CSNK1G1: variants seen among roughly 807,000 people sequenced by gnomAD.
The protein encoded by CSNK1G1 is casein kinase 1 gamma 1, also known as casein kinase I isoform gamma-1.
Under a neutral mutation model 59.6 loss-of-function variants are expected in CSNK1G1, and 22 were observed. The ratio of observed to expected loss-of-function variants is 0.37; its 90% CI spans 0.26 to 0.53. CSNK1G1 has a LOEUF of 0.53. CSNK1G1 is among the 20% of genes least tolerant of loss of function. The probability of loss-of-function intolerance (pLI) is 0.89; values close to 1 mark genes in which losing one functional copy is unlikely to be tolerated. For synonymous variants in CSNK1G1, 179 were observed against 177.1 expected (o/e 1.01, Z -0.08); for missense variants, 384 against 519.5 (o/e 0.74, Z 2.54).
intron 4 of CSNK1G1, among the ~76,000 whole-genome samples, chr15:64,245,784 T>C (rs1891719404): frequency 6.7e-6 from 1 of 149,684 alleles, no homozygotes; most frequent in Non-Finnish European, 1.5e-5. Context: ...AAAAAAAGAA[T>C]GAAATTCTGT....
At chr15:64,211,676 C>T (rs565006373) in intron 6 of CSNK1G1, among the ~76,000 whole-genome samples, 1 of 152,326 alleles carries the variant, frequency 6.6e-6, no homozygotes, top group African/African-American at 2.4e-5. Context: ...CCATATATTA[C>T]AGGCATAATT....
Position 64,171,896 on chromosome 15 carries a change from GTCCCCAGGGCCTGAGGAC to G in CSNK1G1, c.*17_*34del, listed in dbSNP as rs2081670826. ...GAGCTGCAGGTACAATTGAGTCAGA[GTCCCCAGGGCCTGAGGAC>G]TCCTGGGAGGCACTGGTCACTTGTG... is the stretch of plus-strand genomic sequence containing the variant. On this transcript the variant is annotated 3_prime_UTR_variant, in exon 12 of 12. Coordinates refer to ENST00000303052, the MANE Select transcript of CSNK1G1 (RefSeq NM_022048.5). The surrounding 1 kb of genome is among the most constrained non-coding windows in gnomAD (Gnocchi z 4.8). 3 of 1,577,916 alleles carry G rather than the reference GTCCCCAGGGCCTGAGGAC, an allele frequency of 1.9e-6. No individual in the cohort carries two copies. The East Asian group carries it at 6.7e-5, about 35-fold the overall frequency.
intron 6 of CSNK1G1, among the ~76,000 whole-genome samples, chr15:64,209,061 A>G (rs907312897): frequency 6.6e-6 from 1 of 151,608 alleles, no homozygotes; most frequent in Admixed American, 6.6e-5. Flanking sequence ...TACTTTTTGT[A>G]TTTTTTATAG....
chr15:64,238,275 A>G (rs1188414812), intron 4 of CSNK1G1, among the ~76,000 whole-genome samples: 3 of 151,638 alleles, frequency 2.0e-5, no homozygotes, highest in Non-Finnish European at 4.4e-5. Context: ...CATAAAAAAA[A>G]TCTGTACAAA....
Position 64,188,469 on chromosome 15 carries a change from C to G in CSNK1G1, c.1108-8015G>C. On this transcript the variant is annotated intron_variant, in intron 10 of 11. Coordinates refer to ENST00000303052, the MANE Select transcript of CSNK1G1 (RefSeq NM_022048.5). The surrounding 1 kb of genome is among the most constrained non-coding windows in gnomAD (Gnocchi z 4.2). ...GGGCTGAATTTCCCACTCTCCTCGG[C>G]GCTCTGATGATACATTCTGCTTAGG... 1 of 1,536,040 alleles carries G rather than the reference C, an allele frequency of 6.5e-7. No homozygotes were observed. Among genetic ancestry groups the G allele is most frequent in the African/African-American group, 1.4e-5 (1 of 73,142 alleles).
At chr15:64,254,041 G>A (rs1892234348) in intron 3 of CSNK1G1, among the ~76,000 whole-genome samples, 2 of 152,156 alleles carry the variant, frequency 1.3e-5, no homozygotes, top group African/African-American at 4.8e-5. Flanking sequence ...TCAGGAGGCT[G>A]AGGCAGGAGA....
At chr15:64,245,030 T>C (rs544412598) in intron 4 of CSNK1G1, among the ~76,000 whole-genome samples, 2 of 152,112 alleles carry the variant, frequency 1.3e-5, no homozygotes, top group African/African-American at 4.8e-5. Context: ...GAACATTCAG[T>C]AGGGAAAGGA....
chr15:64,287,160 C>T lies in CSNK1G1; in HGVS notation c.181+13159G>A, dbSNP rs575819673. On this transcript the variant is annotated intron_variant, in intron 2 of 11. Transcript: ENST00000303052. Reference sequence around the variant, plus strand: ...CTACTTGTGATGTCTTGGATCTGGGCTGTAGTTCCAATTCTGTGACAAGCT... The same window carrying T: ...CTACTTGTGATGTCTTGGATCTGGGTTGTAGTTCCAATTCTGTGACAAGCT... 3.3e-3 allele frequency among the ~76,000 whole-genome samples: 495 copies of T among 152,276 alleles called. 1 individual carries two copies. Among genetic ancestry groups the T allele is most frequent in the African/African-American group, 0.012 (484 of 41,558 alleles).
intron 1 of CSNK1G1, among the ~76,000 whole-genome samples, chr15:64,333,874 A>G (rs1897245898): frequency 6.6e-6 from 1 of 152,218 alleles, no homozygotes; most frequent in Non-Finnish European, 1.5e-5. Flanking sequence ...ATATGTACCT[A>G]ATTCTGGAGC....
At chr15:64,225,392 C>G (rs1369374678) in intron 4 of CSNK1G1, among the ~76,000 whole-genome samples, 2 of 152,154 alleles carry the variant, frequency 1.3e-5, no homozygotes, top group Non-Finnish European at 2.9e-5. Context: ...CCATCCCTCT[C>G]CGAACCTCCC....
chr15:64,341,385 G>A lies in CSNK1G1; in HGVS notation c.-225+14603C>T, dbSNP rs147963933. Among the ~76,000 whole-genome samples, 529 of 152,166 alleles carry A rather than the reference G, an allele frequency of 3.5e-3. 3 individuals are homozygous for A. Among genetic ancestry groups the A allele is most frequent in the African/African-American group, 0.012 (510 of 41,474 alleles). ...AATCTCCTGACCTCATGATCCACCC[G>A]CCTTGGCCTCCCAAAGTGCTGGGAA... On this transcript the variant is annotated intron_variant, in intron 1 of 11. Transcript: ENST00000303052.
At chr15:64,270,351 G>A (rs565956793) in intron 2 of CSNK1G1, among the ~76,000 whole-genome samples, 48 of 151,938 alleles carry the variant, frequency 3.2e-4, no homozygotes, top group African/African-American at 1.1e-3. Context: ...CTAGCTGTGG[G>A]GTTGAATTGT....
At chr15:64,280,564 G>A (rs1894070204) in intron 2 of CSNK1G1, among the ~76,000 whole-genome samples, 1 of 152,068 alleles carries the variant, frequency 6.6e-6, no homozygotes, top group South Asian at 2.1e-4. Context: ...ATTTCACTGT[G>A]TTAGCCAGGA....
intron 4 of CSNK1G1, among the ~76,000 whole-genome samples, chr15:64,250,327 A>G (rs1892006255): frequency 6.6e-6 from 1 of 152,214 alleles, no homozygotes; most frequent in African/African-American, 2.4e-5. Flanking sequence ...GGTTATAACT[A>G]TAGCTGATTA....
chr15:64,298,398 C>T (rs1175395123), intron 2 of CSNK1G1, among the ~76,000 whole-genome samples: 1 of 152,166 alleles, frequency 6.6e-6, no homozygotes. Context: ...TGTGATGTTA[C>T]AGTCAATTTA....
chr15:64,303,143 C>G (rs892536828), intron 1 of CSNK1G1, among the ~76,000 whole-genome samples: 6 of 151,010 alleles, frequency 4.0e-5, no homozygotes, highest in Non-Finnish European at 8.8e-5. Flanking sequence ...GATGGGAGTA[C>G]TGCTCAAGCC....
intron 6 of CSNK1G1, among the ~76,000 whole-genome samples, chr15:64,212,667 C>T (rs1405030699): frequency 6.6e-6 from 1 of 152,192 alleles, no homozygotes; most frequent in Non-Finnish European, 1.5e-5. Context: ...TATGATCACA[C>T]TGCTGCACTC....
chr15:64,208,412 T>C (rs1323513020), intron 6 of CSNK1G1, among the ~76,000 whole-genome samples: 1 of 152,168 alleles, frequency 6.6e-6, no homozygotes, highest in Admixed American at 6.5e-5. Flanking sequence ...TTCTCTCCTT[T>C]TAATTGGGAA....
In CSNK1G1 at chr15:64,322,304, T is replaced by TA. The variant is rs1378318633; in HGVS notation, c.-224-21582dup. Among the ~76,000 whole-genome samples the TA allele has an allele frequency of 5.3e-5, 8 of 152,260 alleles. No individual in the cohort carries two copies. In the East Asian group the frequency reaches 1.6e-3, roughly 30 times the overall value. On this transcript the variant is annotated intron_variant, in intron 1 of 11. Coordinates refer to ENST00000303052, the MANE Select transcript of CSNK1G1 (RefSeq NM_022048.5). Reference sequence around the variant, plus strand: ...CCTTTTTCCTTTGAAGCACATACTATACTCTCAATTGGTACATGCAAGCAA... The same window carrying TA: ...CCTTTTTCCTTTGAAGCACATACTATAACTCTCAATTGGTACATGCAAGCAA...
Sources: gnomAD v4.1 joint callset for allele counts (sites outside exome capture counted in the v4.1 genomes callset) on GRCh38, gnomAD v4.1.1 for gene constraint, Gnocchi (gnomAD v3.1) non-coding constraint, MANE v1.5 for transcripts, NCBI Gene and HGNC (gene_info 2026-07-23, HGNC 2026-07-21) for gene names.